The following SP100 variants were observed in gnomAD, a reference collection of about 807,000 sequenced individuals.
The protein encoded by SP100 is SP100 nuclear body protein, also known as nuclear autoantigen Sp-100.
In SP100, 84 loss-of-function variants were observed where a neutral mutation model predicts 130.0. The ratio of observed to expected loss-of-function variants is 0.65; its 90% confidence interval spans 0.54 to 0.77. The LOEUF is 0.77. Ranked by LOEUF, SP100 falls within the 30% of genes least tolerant of loss-of-function variation. The pLI is 0.00. For missense variants in SP100, 978 were observed against 1,052.2 expected (o/e 0.93, Z 0.97); for synonymous variants, 331 against 351.7 (o/e 0.94, Z 0.66).
chr2:230,440,568 G>A (rs2063437723), intron 2 of SP100: 1 of 1,383,736 alleles, frequency 7.2e-7, no homozygotes, highest in Non-Finnish European at 9.4e-7. Flanking sequence ...GTAAGTAAAT[G>A]GAGAGATATA....
chr2:230,427,746 A>T (rs1345464571), intron 2 of SP100, among the ~76,000 whole-genome samples: 1 of 152,098 alleles, frequency 6.6e-6, no homozygotes, highest in African/African-American at 2.4e-5. Context: ...GGTTACTATG[A>T]GGCTTACATA....
intron 24 of SP100, among the ~76,000 whole-genome samples, chr2:230,523,365 G>A (rs1691264233): frequency 6.6e-6 from 1 of 152,228 alleles, no homozygotes; most frequent in Non-Finnish European, 1.5e-5. Context: ...TACCAAATTG[G>A]CTTATTTTAA....
At chr2:230,454,894 A>G (rs1343109843) in intron 8 of SP100, among the ~76,000 whole-genome samples, 1 of 152,148 alleles carries the variant, frequency 6.6e-6, no homozygotes, top group Non-Finnish European at 1.5e-5. Flanking sequence ...GAAGTCCCCT[A>G]GTATTATTGT....
At chr2:230,450,310 A>T (rs574183840) in intron 8 of SP100, 55 bp downstream of exon 8, 301 of 1,383,132 alleles carry the variant, frequency 2.2e-4, no homozygotes, top group Non-Finnish European at 3.0e-4. Flanking sequence ...GATGCTATAC[A>T]TTTGGTTGGT....
At chr2:230,513,290 C>A (rs994009356) in intron 24 of SP100, among the ~76,000 whole-genome samples, 1 of 152,174 alleles carries the variant, frequency 6.6e-6, no homozygotes, top group African/African-American at 2.4e-5. Context: ...CCATGCAAGA[C>A]AATCAGTAAA....
chr2:230,541,960 G>A lies in SP100; in HGVS notation c.2472G>A (p.Glu824=). 6.2e-7 allele frequency: 1 copy of A among 1,614,082 alleles called. No homozygotes were observed. The highest frequency in any genetic ancestry group is 1.1e-5 in the South Asian group (1 of 91,080). The stretch of plus-strand genomic sequence containing the variant: ...ACAAAGTCAAGACAAGTTTGAATGA[G>A]CAGATGTACACCCGAGTAGAAGGGT... The part of the protein sequence containing the change: ...WLNKVKTSLN[E]QMYTRVEGFV... The change falls in exon 28 of 29, where the codon GAG becomes GAA. Residue 824 remains glutamate, a synonymous_variant. Coordinates refer to ENST00000340126, the MANE Select transcript of SP100 (RefSeq NM_001080391.2).
chr2:230,501,228 G>C (rs1427884344), intron 19 of SP100, among the ~76,000 whole-genome samples: 1 of 152,090 alleles, frequency 6.6e-6, no homozygotes, highest in African/African-American at 2.4e-5. Flanking sequence ...GAGCAACAGA[G>C]CAAGAGGGCA....
intron 2 of SP100, among the ~76,000 whole-genome samples, chr2:230,418,473 T>C (rs1379277784): frequency 6.6e-6 from 1 of 152,232 alleles, no homozygotes; most frequent in Non-Finnish European, 1.5e-5. Context: ...CCAGACTGAT[T>C]CTGTCTGATC....
chr2:230,485,961 A>T (rs2066063155), intron 17 of SP100, among the ~76,000 whole-genome samples: 1 of 152,112 alleles, frequency 6.6e-6, no homozygotes, highest in South Asian at 2.1e-4. Flanking sequence ...GAAGATTTGC[A>T]TTTTTCTTCT....
intron 17 of SP100, among the ~76,000 whole-genome samples, chr2:230,485,002 T>C (rs2066000380): frequency 1.3e-5 from 2 of 152,124 alleles, no homozygotes. Flanking sequence ...TAATCATAGG[T>C]CACTACAGCC....
chr2:230,448,392 A>C (rs544357456), intron 5 of SP100, among the ~76,000 whole-genome samples: 1 of 152,330 alleles, frequency 6.6e-6, no homozygotes, highest in East Asian at 1.9e-4. Context: ...TTGGAGATTA[A>C]TATTACTTAT....
At chr2:230,428,876 A>G (rs1295392630) in intron 2 of SP100, among the ~76,000 whole-genome samples, 2 of 152,196 alleles carry the variant, frequency 1.3e-5, no homozygotes, top group Non-Finnish European at 2.9e-5. Context: ...ACAATTCAAC[A>G]TGAGATTTCA....
intron 13 of SP100, 114 bp downstream of exon 13, chr2:230,467,329 T>C: frequency 1.4e-6 from 1 of 727,476 alleles, no homozygotes; most frequent in Non-Finnish European, 2.4e-6. Context: ...TGCATCTACC[T>C]CATCTGGCCA....
At chr2:230,507,296 A>G (rs779820197) in intron 22 of SP100, 2 of 152,414 alleles carry the variant, frequency 1.3e-5, no homozygotes, top group Non-Finnish European at 2.9e-5. Context: ...GAGCAGGTCA[A>G]TACTTTCCTG....
chr2:230,486,407 T>C (rs1053444155), intron 17 of SP100, among the ~76,000 whole-genome samples: 2 of 152,200 alleles, frequency 1.3e-5, no homozygotes, highest in East Asian at 1.9e-4. Context: ...CTCCCACTTA[T>C]GAGTGAGAAC....
intron 24 of SP100, among the ~76,000 whole-genome samples, chr2:230,527,707 C>G (rs1370930154): frequency 6.6e-6 from 1 of 151,860 alleles, no homozygotes; most frequent in Non-Finnish European, 1.5e-5. Flanking sequence ...CACATAGGCT[C>G]AAAATAAAGG....
At chr2:230,473,634 C>G (rs1385046202) in intron 16 of SP100, among the ~76,000 whole-genome samples, 194 bp downstream of exon 16, 1 of 152,172 alleles carries the variant, frequency 6.6e-6, no homozygotes, top group East Asian at 1.9e-4. Flanking sequence ...TCCTGCTGCA[C>G]TTGACTGTGA....
intron 8 of SP100, among the ~76,000 whole-genome samples, chr2:230,456,230 A>G (rs994115612): frequency 2.0e-5 from 3 of 151,994 alleles, no homozygotes; most frequent in African/African-American, 7.2e-5. Flanking sequence ...TGAATGTTTC[A>G]TCTCATTCTC....
At chr2:230,481,698 A>G (rs1047541266) in intron 17 of SP100, among the ~76,000 whole-genome samples, 3 of 152,188 alleles carry the variant, frequency 2.0e-5, no homozygotes, top group African/African-American at 7.2e-5. Flanking sequence ...GAACCTAGAA[A>G]AAAAAGTCTA....
Sources: allele counts gnomAD v4.1 joint callset (sites outside exome capture counted in the v4.1 genomes callset), GRCh38; gene constraint gnomAD v4.1.1; transcripts MANE v1.5; gene names NCBI Gene and HGNC (gene_info 2026-07-23, HGNC 2026-07-21).